Variants in TIGD6 observed in about 807,000 individuals in gnomAD.
TIGD6 encodes tigger transposable element derived 6, also known as tigger transposable element-derived protein 6.
In TIGD6, 1 loss-of-function variant was observed where a neutral mutation model predicts 2.6. The observed-to-expected ratio is 0.39, with a 90% confidence interval of 0.14 to 1.85. The LOEUF (loss-of-function observed/expected upper bound fraction) is 1.85. Among genes scored for constraint, TIGD6 ranks in the 40% most tolerant of loss-of-function variants. The pLI is 0.32. For synonymous variants in TIGD6, 193 were observed against 221.9 expected (o/e 0.87, Z 1.16); for missense variants, 601 against 634.2 (o/e 0.95, Z 0.56).
rs1254298793 is a variant in TIGD6, at chr5:149,995,115, G to A, written c.1234C>T (p.Pro412Ser). 1 of 1,614,144 alleles carries A rather than the reference G, an allele frequency of 6.2e-7. No homozygotes were observed. The highest frequency in any genetic ancestry group is 8.5e-7 in the Non-Finnish European group (1 of 1,180,040). ...AAGTCCTGGAAATTTACTTCATTTGGGACACAGGTGGCAATAGCCACTGTG... is the reference window on the plus strand; with the variant it reads ...AAGTCCTGGAAATTTACTTCATTTGAGACACAGGTGGCAATAGCCACTGTG... The part of the protein sequence containing the change: ...WHTVAIATCV[P>S]NEVNFQDFVT... The change falls in exon 2 of 2, where the codon CCA (proline) becomes TCA (serine). Residue 412 changes from proline (P) to serine (S), a missense_variant. Coordinates refer to ENST00000296736, the MANE Select transcript of TIGD6 (RefSeq NM_030953.4).
chr5:149,999,722 G>T (rs1415708351), intron 1 of TIGD6: 3 of 152,216 alleles, frequency 2.0e-5, no homozygotes, highest in African/African-American at 7.2e-5. Flanking sequence ...AAACCCAGGA[G>T]GCTCACAACA....
chr5:149,995,879 T>G lies in TIGD6; in HGVS notation c.470A>C (p.Glu157Ala). The G allele has an allele frequency of 1.2e-6, 2 of 1,614,196 alleles. No homozygotes were observed. Among genetic ancestry groups the G allele is most frequent in the Non-Finnish European group, 1.7e-6 (2 of 1,180,044 alleles). ...TTTTATAATTTCCCCTGCATGCCACTCATTAATCTTATCTATTCCTAGACC... is the reference window on the plus strand; with the variant it reads ...TTTTATAATTTCCCCTGCATGCCACGCATTAATCTTATCTATTCCTAGACC... ...MNGLGIDKIN[E>A]WHAGEIIKLI... The change falls in exon 2 of 2, where the codon GAG becomes GCG. Residue 157 changes from glutamate to alanine, a missense_variant. Glu to Ala is a moderately radical substitution (Grantham distance 107). Coordinates refer to ENST00000296736, the MANE Select transcript of TIGD6 (RefSeq NM_030953.4).
intron 1 of TIGD6, among the ~76,000 whole-genome samples, chr5:149,998,237 T>C (rs896866770): frequency 2.0e-5 from 3 of 152,216 alleles, no homozygotes; most frequent in African/African-American, 7.2e-5. Context: ...GGCTGTTCTG[T>C]GGAAAATGGA....
At position 149,995,528 on chromosome 5, in the gene TIGD6, C is replaced by T. The variant is rs1442250863; in HGVS notation, c.821G>A (p.Arg274Lys). 5 of 1,614,116 alleles carry T rather than the reference C, an allele frequency of 3.1e-6. No homozygotes were observed. In the African/African-American group the frequency reaches 5.3e-5, roughly 17 times the overall value. Residue 274 changes from arginine (R) to lysine (K), a missense_variant, in exon 2 of 2, where the codon AGG becomes AAG. Coordinates refer to ENST00000296736, the MANE Select transcript of TIGD6 (RefSeq NM_030953.4). ...WLMQVDARMK[R>K]AERRILLLID... ...GAGCAAGAGGATCCGGCGTTCCGCCCTCTTCATCCTGGCATCCACTTGCAT... is the reference window on the plus strand; with the variant it reads ...GAGCAAGAGGATCCGGCGTTCCGCCTTCTTCATCCTGGCATCCACTTGCAT...
intron 1 of TIGD6, chr5:149,999,782 C>A (rs1207402892): frequency 6.6e-6 from 1 of 152,148 alleles, no homozygotes; most frequent in Non-Finnish European, 1.5e-5. Flanking sequence ...GTTCTGGGAA[C>A]TACTAATATT....
rs537627012 is a variant in TIGD6, at chr5:150,000,578, G to C, written c.-186C>G. On this transcript the variant is annotated 5_prime_UTR_variant, in exon 1 of 2. Coordinates refer to ENST00000296736, the MANE Select transcript of TIGD6 (RefSeq NM_030953.4). ...CGGGACCTCTGGCCGGAAGCAGTCC[G>C]TTCGCCTTACTAGACCCGCTCCAAG... 3 of 154,756 alleles carry C rather than the reference G, an allele frequency of 1.9e-5. No individual in the cohort carries two copies. Among genetic ancestry groups the C allele is most frequent in the Admixed American group, 6.5e-5 (1 of 15,312 alleles). 9.6% of individuals were successfully genotyped at this position (154,756 alleles called of 1,614,324 possible).
chr5:149,994,504 T>C lies in TIGD6; in HGVS notation c.*279A>G, dbSNP rs1319535089. On this transcript the variant is annotated 3_prime_UTR_variant, in exon 2 of 2. Coordinates refer to ENST00000296736, the MANE Select transcript of TIGD6 (RefSeq NM_030953.4). ...TAGGCCTGGGATATGGCCTGAGCTT[T>C]GGAATTTTTAAAGGATTCTCAAGTG... The C allele has an allele frequency of 2.6e-5, 6 of 228,762 alleles. No homozygotes were observed. The highest frequency in any genetic ancestry group is 1.4e-4 in the African/African-American group (6 of 43,790). The allele number at this position is 228,762 out of a possible 1,614,324, so 14.2% of individuals were successfully genotyped here. A position where few individuals can be genotyped will look rare whatever the true frequency, so the allele number is the denominator to read the frequency against.
chr5:149,996,357 A>T lies in TIGD6; in HGVS notation c.-9T>A, dbSNP rs1259346657. 8 of 1,594,718 alleles carry T rather than the reference A, an allele frequency of 5.0e-6. No homozygotes were observed. The highest frequency in any genetic ancestry group is 6.8e-6 in the Non-Finnish European group (8 of 1,170,674). ...TTCCCCTTGTTTGCCATTTCCAGGGAATGAGGGCTGGCCACAACTAACAGG... is the reference window on the plus strand; with the variant it reads ...TTCCCCTTGTTTGCCATTTCCAGGGTATGAGGGCTGGCCACAACTAACAGG... On this transcript the variant is annotated 5_prime_UTR_variant, in exon 2 of 2. Coordinates refer to ENST00000296736, the MANE Select transcript of TIGD6 (RefSeq NM_030953.4).
In TIGD6 at chr5:149,994,824, GGGTTTGTGT is replaced by G; in HGVS notation, c.1516_1524del (p.Thr506_Thr508del). On this transcript the variant is annotated inframe_deletion, in exon 2 of 2. Transcript: ENST00000296736. ...AAATCTGTAATTTTGGAATCAATAAGGGTTTGTGTCACTCTTTTCATTAAATATTCATCT... is the reference window on the plus strand; with the variant it reads ...AAATCTGTAATTTTGGAATCAATAAGCACTCTTTTCATTAAATATTCATCT... The G allele has an allele frequency of 1.3e-6, 2 of 1,553,442 alleles. No homozygotes were observed. Among genetic ancestry groups the G allele is most frequent in the Middle Eastern group, 1.7e-4 (1 of 5,776 alleles).
chr5:149,995,782 G>C lies in TIGD6; in HGVS notation c.567C>G (p.Pro189=). Residue 189 remains proline, a synonymous_variant, in exon 2 of 2, where the codon CCC becomes CCG. Coordinates refer to ENST00000296736, the MANE Select transcript of TIGD6 (RefSeq NM_030953.4). Reference sequence around the variant, plus strand: ...CTCCTTTAGCAGCAAGTGTGTGCTGGGGAAGCAACTGGAAAAACACTCCTG... The same window carrying C: ...CTCCTTTAGCAGCAAGTGTGTGCTGCGGAAGCAACTGGAAAAACACTCCTG... ...DETGVFFQLL[P]QHTLAAKGDH... 1.2e-6 allele frequency: 2 copies of C among 1,614,178 alleles called. No individual in the cohort carries two copies. Among genetic ancestry groups the C allele is most frequent in the Non-Finnish European group, 1.7e-6 (2 of 1,180,042 alleles).
chr5:149,995,156 A>G lies in TIGD6; in HGVS notation c.1193T>C (p.Ile398Thr). ...AGCCACTGTGTGCCACAACTTTTCA[A>G]TGGCAATGTCTGGTTCACTGGCTGC... ...ESAASEPDIA[I>T]EKLWHTVAIA... is the part of the protein sequence containing the mutation. Residue 398 changes from isoleucine to threonine, a missense_variant, in exon 2 of 2, where the codon ATT becomes ACT. Coordinates refer to ENST00000296736, the MANE Select transcript of TIGD6 (RefSeq NM_030953.4). 6.2e-7 allele frequency: 1 copy of G among 1,614,234 alleles called. No individual in the cohort carries two copies. The highest frequency in any genetic ancestry group is 8.5e-7 in the Non-Finnish European group (1 of 1,180,042).
Position 149,995,643 on chromosome 5 carries a change from GTGGGC to G in TIGD6, c.701_705del (p.Ser234ThrfsTer12). On this transcript the variant is annotated frameshift_variant, in exon 2 of 2. Coordinates refer to ENST00000296736, the MANE Select transcript of TIGD6 (RefSeq NM_030953.4). LOFTEE classifies it low-confidence loss of function (END_TRUNC). ...AGGGAATGAATGTTCTTGAGGCAGT[GTGGGC>G]TGGCTGACCTACCAACAATCAATGG... 6.2e-7 allele frequency: 1 copy of G among 1,614,256 alleles called. No individual in the cohort carries two copies. The highest frequency in any genetic ancestry group is 1.1e-5 in the South Asian group (1 of 91,092).
rs769624007 is a variant in TIGD6, at chr5:149,995,070, G to A, written c.1279C>T (p.Leu427Phe). The A allele has an allele frequency of 1.2e-6, 2 of 1,614,188 alleles. No individual in the cohort carries two copies. The highest frequency in any genetic ancestry group is 2.2e-5 in the East Asian group (1 of 44,886). Residue 427 changes from leucine (L) to phenylalanine (F), a missense_variant, in exon 2 of 2, where the codon CTC becomes TTC. Transcript: ENST00000296736. Reference protein sequence around the residue: ...FQDFVTADDDLIISQDTDIIQ... With the variant: ...FQDFVTADDDFIISQDTDIIQ... ...ATGTCTGTGTCCTGAGAGATAATGAGATCATCATCTGCAGTAACAAAGTCC... is the reference window on the plus strand; with the variant it reads ...ATGTCTGTGTCCTGAGAGATAATGAAATCATCATCTGCAGTAACAAAGTCC...
chr5:150,000,616 T>C lies in TIGD6; in HGVS notation c.-224A>G, dbSNP rs780577126. On this transcript the variant is annotated 5_prime_UTR_variant, in exon 1 of 2. Transcript: ENST00000296736. ...GACCCGCTCCAAGCCTTTGAGCAGT[T>C]CGTGTGGGTCCGCTCCCAAGCTAGG... 5.8e-5 allele frequency: 9 copies of C among 154,520 alleles called. No individual in the cohort carries two copies. The highest frequency in any genetic ancestry group is 1.2e-4 in the Non-Finnish European group (8 of 68,240). 9.6% of individuals were successfully genotyped at this position (154,520 alleles called of 1,614,324 possible). A position where few individuals can be genotyped will look rare whatever the true frequency, so the allele number is the denominator to read the frequency against.
chr5:149,995,080 T>G lies in TIGD6; in HGVS notation c.1269A>C (p.Ala423=). The G allele has an allele frequency of 6.2e-7, 1 of 1,614,262 alleles. No individual in the cohort carries two copies. Among genetic ancestry groups the G allele is most frequent in the Non-Finnish European group, 8.5e-7 (1 of 1,180,054 alleles). ...NEVNFQDFVT[A]DDDLIISQDT... ...CCTGAGAGATAATGAGATCATCATC[T>G]GCAGTAACAAAGTCCTGGAAATTTA... The change falls in exon 2 of 2, where the codon GCA becomes GCC. Residue 423 remains alanine (A), a synonymous_variant. Coordinates refer to ENST00000296736, the MANE Select transcript of TIGD6 (RefSeq NM_030953.4).
rs1047241000 is a variant in TIGD6, at chr5:149,994,968, G to A, written c.1381C>T (p.Gln461Ter). ...EDEGEVSLPE[Q>*]PKVTITEAIS... ...GCTTCTGTGATGGTGACTTTTGGTT[G>A]CTCTGGTAAAGATACCTCCCCTTCA... Residue 461 changes from glutamine to a stop codon, truncating the protein, a stop_gained, in exon 2 of 2, where the codon CAA becomes TAA. Transcript: ENST00000296736. LOFTEE classifies it high-confidence loss of function. The A allele has an allele frequency of 1.2e-6, 2 of 1,612,810 alleles. 1 individual carries two copies. The highest frequency in any genetic ancestry group is 3.3e-4 in the Middle Eastern group (2 of 6,058).
In TIGD6 at chr5:149,996,117, T is replaced by C. The variant is rs1333394754; in HGVS notation, c.232A>G (p.Ile78Val). ...KRMRSALYDD[I>V]DKAVFAWFQE... is the part of the protein sequence containing the mutation. ...AACCAAGCAAAAACAGCCTTATCAA[T>C]GTCATCATAAAGAGCGCTCCTCATC... is the stretch of plus-strand genomic sequence containing the variant. Residue 78 changes from isoleucine (I) to valine (V), a missense_variant, in exon 2 of 2, where the codon ATT (isoleucine) becomes GTT (valine). By Grantham distance (29) the Ile-to-Val change is conservative. Coordinates refer to ENST00000296736, the MANE Select transcript of TIGD6 (RefSeq NM_030953.4). 1 of 1,614,164 alleles carries C rather than the reference T, an allele frequency of 6.2e-7. No individual in the cohort carries two copies. Among genetic ancestry groups the C allele is most frequent in the South Asian group, 1.1e-5 (1 of 91,084 alleles).
At chr5:150,000,023 TAGA>T (rs1397974673) in intron 1 of TIGD6, 3 of 154,700 alleles carry the variant, frequency 1.9e-5, no homozygotes, top group African/African-American at 7.2e-5. Context: ...TGATGGTGGC[TAGA>T]AGGTTGGTGA....
intron 1 of TIGD6, among the ~76,000 whole-genome samples, chr5:149,999,029 T>C (rs1207221030): frequency 6.6e-6 from 1 of 152,146 alleles, no homozygotes; most frequent in Non-Finnish European, 1.5e-5. Flanking sequence ...AAAGGAAATA[T>C]TTAACATGAA....
Sources: allele counts gnomAD v4.1 joint callset (sites outside exome capture counted in the v4.1 genomes callset), GRCh38; gene constraint gnomAD v4.1.1; transcripts MANE v1.5; gene names NCBI Gene and HGNC (gene_info 2026-07-23, HGNC 2026-07-21).